RIT2: variants seen among roughly 807,000 people sequenced by gnomAD.
RIT2 encodes Ras like without CAAX 2.
RIT2 carries 24 observed loss-of-function variants against 23.7 expected under a neutral mutation model. The observed-to-expected ratio is 1.01, with a 90% confidence interval of 0.73 to 1.43. The LOEUF (loss-of-function observed/expected upper bound fraction) is 1.43, where lower values mean the gene tolerates loss of function less well. Ranked by LOEUF, RIT2 falls within the 40% of genes most tolerant of loss-of-function variation. The pLI is 0.00. For synonymous variants in RIT2, 107 were observed against 91.1 expected, an observed-to-expected ratio of 1.17 and a Z score of -0.99; for missense variants, 236 against 266.9, an observed-to-expected ratio of 0.88 and a Z score of 0.81.
chr18:43,033,695 T>C (rs1290413538), intron 2 of RIT2, 116 bp downstream of exon 2: 3 of 715,728 alleles, frequency 4.2e-6, no homozygotes, highest in Non-Finnish European at 7.3e-6. Context: ...TGTGTGTATG[T>C]GTTCTGGGTC....
At chr18:42,763,590 T>C (rs889458465) in intron 4 of RIT2, among the ~76,000 whole-genome samples, 10 of 152,196 alleles carry the variant, frequency 6.6e-5, no homozygotes, top group Non-Finnish European at 5.9e-5. Flanking sequence ...CTGTACATCA[T>C]TGTGAATGTT....
intron 2 of RIT2, among the ~76,000 whole-genome samples, chr18:43,025,570 CA>C (rs767923631): frequency 6.6e-5 from 10 of 151,932 alleles, no homozygotes; most frequent in Non-Finnish European, 1.2e-4. Context: ...GAAAATATAA[CA>C]TATATTTGAC....
At chr18:42,803,020 T>A (rs932404687) in intron 4 of RIT2, among the ~76,000 whole-genome samples, 5 of 152,296 alleles carry the variant, frequency 3.3e-5, no homozygotes, top group South Asian at 2.1e-4. Context: ...CCTTGCTAAA[T>A]CTTAATTTCC....
At chr18:42,975,031 T>G (rs1346886975) in intron 2 of RIT2, among the ~76,000 whole-genome samples, 1 of 152,034 alleles carries the variant, frequency 6.6e-6, no homozygotes, top group African/African-American at 2.4e-5. Flanking sequence ...ATTTGAGAAA[T>G]TACCACACCA....
At chr18:42,965,653 A>T in intron 3 of RIT2, among the ~76,000 whole-genome samples, 1 of 149,634 alleles carries the variant, frequency 6.7e-6, no homozygotes, top group Non-Finnish European at 1.5e-5. Flanking sequence ...ATCGTAAAGG[A>T]TATAAAGAAA....
Position 42,901,658 on chromosome 18 carries a change from T to C in RIT2, c.426+21914A>G, listed in dbSNP as rs11875463. ...AAATCTGTATAACTCATTAAATCAA[T>C]ATTTTTTAAAAGTCCAATGCATGAT... On this transcript the variant is annotated intron_variant, in intron 4 of 4. Transcript: ENST00000326695. 6.9e-3 allele frequency among the ~76,000 whole-genome samples: 1,056 copies of C among 152,174 alleles called. 10 individuals are homozygous for C. The highest frequency in any genetic ancestry group is 0.024 in the African/African-American group (992 of 41,576).
At chr18:42,920,618 T>G in intron 4 of RIT2, 2 of 967,738 alleles carry the variant, frequency 2.1e-6, no homozygotes, top group South Asian at 2.9e-5. Context: ...TGTCTTTTTG[T>G]TTTTTTTCTT....
chr18:43,008,599 AT>A (rs1356508662), intron 2 of RIT2, among the ~76,000 whole-genome samples: 1 of 151,456 alleles, frequency 6.6e-6, no homozygotes, highest in Non-Finnish European at 1.5e-5. Flanking sequence ...TAAAAAAAAA[AT>A]AAAAGAGCTA....
intron 3 of RIT2, among the ~76,000 whole-genome samples, chr18:42,926,511 A>G (rs1009314977): frequency 2.0e-5 from 3 of 152,006 alleles, no homozygotes; most frequent in African/African-American, 7.2e-5. Flanking sequence ...AAAAGAGTAA[A>G]GCATTTGACT....
chr18:42,817,359 G>A (rs1568003855), intron 4 of RIT2, among the ~76,000 whole-genome samples: 1 of 152,042 alleles, frequency 6.6e-6, no homozygotes, highest in Non-Finnish European at 1.5e-5. Context: ...AATCCATTTT[G>A]TGATCAGTTT....
At chr18:42,986,698 C>G (rs910105385) in intron 2 of RIT2, among the ~76,000 whole-genome samples, 2 of 151,766 alleles carry the variant, frequency 1.3e-5, no homozygotes, top group African/African-American at 4.8e-5. Context: ...GACGAGGTTT[C>G]ACCATGTTGG....
chr18:42,933,072 A>T (rs1403933559), intron 3 of RIT2, among the ~76,000 whole-genome samples: 2 of 152,116 alleles, frequency 1.3e-5, no homozygotes, highest in Non-Finnish European at 2.9e-5. Context: ...TTGCACTTAT[A>T]TTGCTTGGTA....
chr18:42,791,676 A>G (rs905596470), intron 4 of RIT2, among the ~76,000 whole-genome samples: 5 of 152,208 alleles, frequency 3.3e-5, no homozygotes, highest in Admixed American at 6.5e-5. Context: ...GACACGTTCA[A>G]TTCTTATTGT....
chr18:43,051,215 C>A (rs983931945), intron 1 of RIT2, among the ~76,000 whole-genome samples: 1 of 152,054 alleles, frequency 6.6e-6, no homozygotes, highest in Non-Finnish European at 1.5e-5. Context: ...AATCAAAACA[C>A]GTATTTGGCC....
intron 4 of RIT2, among the ~76,000 whole-genome samples, chr18:42,781,731 T>C (rs760914492): frequency 1.5e-4 from 23 of 152,226 alleles, no homozygotes; most frequent in Non-Finnish European, 2.4e-4. Context: ...TCTTGCCCGT[T>C]GCTTTTCAAT....
At chr18:43,083,110 T>C (rs750266365) in intron 1 of RIT2, among the ~76,000 whole-genome samples, 6 of 152,084 alleles carry the variant, frequency 3.9e-5, no homozygotes, top group Non-Finnish European at 7.3e-5. Flanking sequence ...AGTCAAATCA[T>C]GAGAGAACTC....
At chr18:42,757,581 CT>C (rs1913193085) in intron 4 of RIT2, among the ~76,000 whole-genome samples, 1 of 152,168 alleles carries the variant, frequency 6.6e-6, no homozygotes, top group Non-Finnish European at 1.5e-5. Flanking sequence ...AACCAATATT[CT>C]ACGTTTTCTG....
intron 1 of RIT2, among the ~76,000 whole-genome samples, chr18:43,098,270 T>C (rs4130047): frequency 0.32 from 48,869 of 151,700 alleles, 7,924 homozygotes; most frequent in East Asian, 0.38. Context: ...TAATCTTTTA[T>C]GGTCAGAGTT....
At chr18:42,976,282 C>T (rs1166084026) in intron 2 of RIT2, among the ~76,000 whole-genome samples, 1 of 151,856 alleles carries the variant, frequency 6.6e-6, no homozygotes. Flanking sequence ...AAAAAGAAAA[C>T]CAGAATCCCA....
Sources: allele counts gnomAD v4.1 joint callset (sites outside exome capture counted in the v4.1 genomes callset), GRCh38; gene constraint gnomAD v4.1.1; transcripts MANE v1.5; gene names NCBI Gene and HGNC (gene_info 2026-07-23, HGNC 2026-07-21).